GSK3B: variants seen among roughly 807,000 people sequenced by gnomAD.
GSK3B encodes the protein glycogen synthase kinase-3 beta.
GSK3B carries 15 observed loss-of-function variants against 56.4 expected under a neutral mutation model. That is an observed-to-expected ratio of 0.27 (90% CI 0.18 to 0.41). GSK3B has a LOEUF of 0.41. Among genes scored for constraint, GSK3B ranks in the 10% least tolerant of loss-of-function variants. The probability of loss-of-function intolerance (pLI) is 1.00; values close to 1 mark genes in which losing one functional copy is unlikely to be tolerated. For missense variants in GSK3B, 300 were observed against 513.4 expected (o/e 0.58, Z 4.02); for synonymous variants, 181 against 188.9 (o/e 0.96, Z 0.34).
At chr3:120,060,239 A>T (rs1559895664) in intron 1 of GSK3B, among the ~76,000 whole-genome samples, 1 of 152,246 alleles carries the variant, frequency 6.6e-6, no homozygotes, top group Non-Finnish European at 1.5e-5. Context: ...AGGGAAATGG[A>T]AAGTGCAGGG....
chr3:119,909,925 C>T (rs1163731830), intron 6 of GSK3B, among the ~76,000 whole-genome samples: 1 of 152,200 alleles, frequency 6.6e-6, no homozygotes, highest in Non-Finnish European at 1.5e-5. Flanking sequence ...GACTAAACAT[C>T]TTGGGTGCAT....
chr3:120,079,183 C>T (rs974757827), intron 1 of GSK3B, among the ~76,000 whole-genome samples: 3 of 151,094 alleles, frequency 2.0e-5, no homozygotes, highest in Admixed American at 6.6e-5. Context: ...CTCAGCGATC[C>T]GCCCCTCCTC....
Position 119,824,402 on chromosome 3 carries a change from T to G in GSK3B, c.*2386A>C. On this transcript the variant is annotated 3_prime_UTR_variant, in exon 11 of 11. Transcript: ENST00000264235. ...GAGAGAAAAGCGTGACTTTTCTCTC[T>G]TCTTTTACCCCAGTTGTGGGGGGCA... 1 of 218,758 alleles carries G rather than the reference T, an allele frequency of 4.6e-6. No individual in the cohort carries two copies. The highest frequency in any genetic ancestry group is 9.2e-6 in the Non-Finnish European group (1 of 108,878). The allele number at this position is 218,758 out of a possible 1,614,324, so 13.6% of individuals were successfully genotyped here. A position where few individuals can be genotyped will look rare whatever the true frequency, so the allele number is the denominator to read the frequency against.
intron 1 of GSK3B, among the ~76,000 whole-genome samples, chr3:120,035,595 G>A (rs1473744284): frequency 6.6e-6 from 1 of 152,170 alleles, no homozygotes; most frequent in Admixed American, 6.5e-5. Context: ...ACAATATTAA[G>A]TCTTCCAATT....
At chr3:119,837,861 T>C (rs951359993) in intron 10 of GSK3B, among the ~76,000 whole-genome samples, 3 of 147,814 alleles carry the variant, frequency 2.0e-5, no homozygotes, top group Non-Finnish European at 3.0e-5. Flanking sequence ...AAATAAGACA[T>C]ATATAATATA....
At chr3:119,921,191 T>C (rs868098290) in intron 4 of GSK3B, among the ~76,000 whole-genome samples, 10 of 152,348 alleles carry the variant, frequency 6.6e-5, no homozygotes, top group South Asian at 4.1e-4. Context: ...TAGACTATTA[T>C]AAATTTTCGT....
At chr3:120,033,396 G>GA (rs1330438786) in intron 1 of GSK3B, among the ~76,000 whole-genome samples, 1 of 152,202 alleles carries the variant, frequency 6.6e-6, no homozygotes, top group Non-Finnish European at 1.5e-5. Flanking sequence ...AGAACTACCA[G>GA]ATTGTTTTCC....
intron 3 of GSK3B, among the ~76,000 whole-genome samples, chr3:119,932,716 T>C (rs1477300275): frequency 3.3e-5 from 5 of 151,710 alleles, no homozygotes; most frequent in African/African-American, 1.2e-4. Context: ...AACAAATAAA[T>C]AAACTTCTGC....
chr3:119,923,715 T>C (rs1026668577), intron 3 of GSK3B, among the ~76,000 whole-genome samples: 6 of 152,174 alleles, frequency 3.9e-5, no homozygotes, highest in African/African-American at 1.4e-4. Context: ...TCAATATTGT[T>C]AAGATTCCCA....
At chr3:119,870,539 T>A (rs1319381729) in intron 8 of GSK3B, among the ~76,000 whole-genome samples, 1 of 152,200 alleles carries the variant, frequency 6.6e-6, no homozygotes, top group Non-Finnish European at 1.5e-5. Flanking sequence ...ATTATTCCTT[T>A]CACATTTGGA....
At chr3:119,905,648 G>C (rs1048244331) in intron 7 of GSK3B, 107 bp downstream of exon 7, 1 of 706,206 alleles carries the variant, frequency 1.4e-6, no homozygotes, top group Non-Finnish European at 2.5e-6. Context: ...ACCTTGGATT[G>C]CTTCCTCCAT....
At chr3:119,839,596 T>C (rs922662566) in intron 10 of GSK3B, among the ~76,000 whole-genome samples, 6 of 152,224 alleles carry the variant, frequency 3.9e-5, no homozygotes, top group African/African-American at 1.4e-4. Flanking sequence ...TTTTAACAGA[T>C]CAGATGATAA....
chr3:119,988,070 C>T (rs974407290), intron 2 of GSK3B, among the ~76,000 whole-genome samples: 4 of 152,106 alleles, frequency 2.6e-5, no homozygotes, highest in Non-Finnish European at 5.9e-5. Flanking sequence ...TTATAATCAG[C>T]TATAAAGCTC....
intron 2 of GSK3B, among the ~76,000 whole-genome samples, chr3:119,974,344 C>A (rs2057392717): frequency 6.6e-6 from 1 of 152,132 alleles, no homozygotes; most frequent in South Asian, 2.1e-4. Flanking sequence ...ACACTGAAAC[C>A]TAAGCATCAA....
chr3:120,051,959 CAG>C (rs919663821), intron 1 of GSK3B, among the ~76,000 whole-genome samples: 1 of 152,088 alleles, frequency 6.6e-6, no homozygotes, highest in African/African-American at 2.4e-5. Context: ...CATTTAAAAC[CAG>C]TGAAAATTCC....
intron 1 of GSK3B, among the ~76,000 whole-genome samples, chr3:120,061,577 ATTG>A (rs2058237290): frequency 6.6e-6 from 1 of 152,176 alleles, no homozygotes; most frequent in African/African-American, 2.4e-5. Flanking sequence ...AGACACTATT[ATTG>A]TTATTAGTTC....
At chr3:120,081,781 G>C (rs1253687918) in intron 1 of GSK3B, among the ~76,000 whole-genome samples, 1 of 152,144 alleles carries the variant, frequency 6.6e-6, no homozygotes, top group Non-Finnish European at 1.5e-5. Flanking sequence ...TGTCATGTTG[G>C]AACTTATGAT....
intron 8 of GSK3B, among the ~76,000 whole-genome samples, chr3:119,867,434 G>T (rs545395545): frequency 6.6e-5 from 10 of 152,198 alleles, no homozygotes; most frequent in African/African-American, 2.2e-4. Flanking sequence ...AATAAATAGA[G>T]AACATTTTTT....
At chr3:119,837,623 TGAAA>T (rs1415550188) in intron 10 of GSK3B, among the ~76,000 whole-genome samples, 1 of 151,970 alleles carries the variant, frequency 6.6e-6, no homozygotes, top group Non-Finnish European at 1.5e-5. Context: ...ACCATTGCAT[TGAAA>T]GAAACTTTAT....
Sources: gnomAD v4.1 joint callset for allele counts (sites outside exome capture counted in the v4.1 genomes callset) on GRCh38, gnomAD v4.1.1 for gene constraint, MANE v1.5 for transcripts, NCBI Gene and HGNC (gene_info 2026-07-23, HGNC 2026-07-21) for gene names.